The following CA10 variants were observed in gnomAD, a reference collection of about 807,000 sequenced individuals.
The protein encoded by CA10 is carbonic anhydrase 10 (inactive).
CA10 carries 14 observed loss-of-function variants against 44.2 expected under a neutral mutation model. That is an observed-to-expected ratio of 0.32 (90% CI 0.21 to 0.50). The LOEUF (loss-of-function observed/expected upper bound fraction) is 0.50. Among genes scored for constraint, CA10 ranks in the 20% least tolerant of loss-of-function variants. CA10 has a pLI of 0.99. For synonymous variants in CA10, 159 were observed against 141.6 expected (o/e 1.12, Z -0.87); for missense variants, 350 against 409.7 (o/e 0.85, Z 1.26).
At chr17:51,690,470 C>T (rs1385931602) in intron 4 of CA10, among the ~76,000 whole-genome samples, 2 of 152,010 alleles carry the variant, frequency 1.3e-5, no homozygotes, top group African/African-American at 2.4e-5. Flanking sequence ...TGGCTATGTC[C>T]CCACCCAAAT....
chr17:52,113,175 A>G (rs1988821587), intron 1 of CA10, among the ~76,000 whole-genome samples: 1 of 152,190 alleles, frequency 6.6e-6, no homozygotes, highest in Non-Finnish European at 1.5e-5. Context: ...TTCCTAAGAG[A>G]GCTTACAAGT....
At chr17:51,753,237 T>C (rs1904954557) in intron 3 of CA10, among the ~76,000 whole-genome samples, 1 of 152,210 alleles carries the variant, frequency 6.6e-6, no homozygotes, top group African/African-American at 2.4e-5. Flanking sequence ...CCTGTCCAGG[T>C]TGTATGTCAA....
chr17:52,084,743 A>G (rs564024216), intron 1 of CA10, among the ~76,000 whole-genome samples: 2 of 152,266 alleles, frequency 1.3e-5, no homozygotes, highest in South Asian at 4.2e-4. Flanking sequence ...TAAATCTCCC[A>G]ATATTTATTT....
chr17:51,968,488 G>A (rs891654579), intron 2 of CA10, among the ~76,000 whole-genome samples: 2 of 151,876 alleles, frequency 1.3e-5, no homozygotes, highest in South Asian at 2.1e-4. Flanking sequence ...CAGATTCAAA[G>A]GTTGACTATT....
At chr17:51,955,035 C>T (rs934618774) in intron 2 of CA10, among the ~76,000 whole-genome samples, 1 of 152,058 alleles carries the variant, frequency 6.6e-6, no homozygotes, top group African/African-American at 2.4e-5. Flanking sequence ...GAATACACTG[C>T]ATCTCATTTT....
intron 2 of CA10, among the ~76,000 whole-genome samples, chr17:52,056,940 A>G (rs1199759745): frequency 2.6e-5 from 4 of 152,076 alleles, no homozygotes; most frequent in Non-Finnish European, 1.5e-5. Flanking sequence ...TTTTATATGA[A>G]CTGCTGAAAT....
At chr17:51,656,048 C>G (rs1303020107) in intron 4 of CA10, among the ~76,000 whole-genome samples, 3 of 152,166 alleles carry the variant, frequency 2.0e-5, no homozygotes, top group Non-Finnish European at 4.4e-5. Context: ...CTGGGGGGTT[C>G]TCACACACTC....
At chr17:51,813,560 ATGGTTGT>A (rs1320183462) in intron 3 of CA10, among the ~76,000 whole-genome samples, 1 of 152,104 alleles carries the variant, frequency 6.6e-6, no homozygotes, top group African/African-American at 2.4e-5. Context: ...GTTATTTTCC[ATGGTTGT>A]TTGCATGTTT....
At chr17:52,021,224 G>T (rs569004839) in intron 2 of CA10, among the ~76,000 whole-genome samples, 42 of 152,130 alleles carry the variant, frequency 2.8e-4, no homozygotes, top group African/African-American at 9.4e-4. Flanking sequence ...GGGCATTGAG[G>T]TTGATTCCAT....
At chr17:51,869,131 GA>G (rs1427449089) in intron 3 of CA10, among the ~76,000 whole-genome samples, 2 of 151,938 alleles carry the variant, frequency 1.3e-5, no homozygotes, top group African/African-American at 2.4e-5. Context: ...AACTCCAATA[GA>G]AAAAGGACTA....
chr17:51,753,251 A>G (rs1567828167), intron 3 of CA10, among the ~76,000 whole-genome samples: 1 of 152,236 alleles, frequency 6.6e-6, no homozygotes, highest in Admixed American at 6.5e-5. Context: ...ATGTCAATCA[A>G]TATTATCTTG....
At chr17:51,982,973 T>C (rs1041605464) in intron 2 of CA10, among the ~76,000 whole-genome samples, 6 of 151,920 alleles carry the variant, frequency 3.9e-5, no homozygotes, top group African/African-American at 1.4e-4. Flanking sequence ...CAGCTTAAGA[T>C]ATTCAGTTAT....
chr17:51,887,556 CT>C (rs1380711617), intron 3 of CA10, among the ~76,000 whole-genome samples: 1 of 152,202 alleles, frequency 6.6e-6, no homozygotes. Context: ...CTGCCAATTA[CT>C]TTTGGTTCAG....
intron 3 of CA10, among the ~76,000 whole-genome samples, chr17:51,823,077 ATTTAC>A (rs1907874315): frequency 6.6e-6 from 1 of 151,982 alleles, no homozygotes; most frequent in South Asian, 2.1e-4. Flanking sequence ...CGCTTTATTT[ATTTAC>A]TTATTTTACT....
At chr17:51,787,097 G>A (rs1478178492) in intron 3 of CA10, among the ~76,000 whole-genome samples, 1 of 152,044 alleles carries the variant, frequency 6.6e-6, no homozygotes, top group Non-Finnish European at 1.5e-5. Flanking sequence ...GAGGATTTTT[G>A]CATCAATATT....
At chr17:52,132,439 G>T (rs1223433203) in intron 1 of CA10, among the ~76,000 whole-genome samples, 3 of 152,192 alleles carry the variant, frequency 2.0e-5, no homozygotes, top group Non-Finnish European at 4.4e-5. Flanking sequence ...GCTACTCATG[G>T]AACTGTTGTG....
intron 3 of CA10, among the ~76,000 whole-genome samples, chr17:51,898,884 G>A (rs1981189121): frequency 6.6e-6 from 1 of 151,300 alleles, no homozygotes; most frequent in Admixed American, 6.6e-5. Flanking sequence ...ATTTCTGTGG[G>A]GTCAGTGGTA....
chr17:51,743,481 C>A (rs1373158308), intron 4 of CA10, among the ~76,000 whole-genome samples: 1 of 152,224 alleles, frequency 6.6e-6, no homozygotes, highest in Non-Finnish European at 1.5e-5. Context: ...CAATCCCCAA[C>A]AAGGAATCCA....
chr17:52,038,384 C>T (rs945175082), intron 2 of CA10, among the ~76,000 whole-genome samples: 1 of 152,132 alleles, frequency 6.6e-6, no homozygotes, highest in Non-Finnish European at 1.5e-5. Context: ...GGAGAGGCTA[C>T]CAATTTTTGC....
Sources: allele counts gnomAD v4.1 joint callset (sites outside exome capture counted in the v4.1 genomes callset), GRCh38; gene constraint gnomAD v4.1.1; transcripts MANE v1.5; gene names NCBI Gene and HGNC (gene_info 2026-07-23, HGNC 2026-07-21).